GRIK3: variants seen among roughly 807,000 people sequenced by gnomAD.
GRIK3 encodes glutamate receptor ionotropic, kainate 3.
A neutral mutation model predicts 102.5 loss-of-function variants in GRIK3; 29 were observed. The ratio of observed to expected loss-of-function variants is 0.28; its 90% CI spans 0.21 to 0.39. GRIK3 has a LOEUF of 0.39. Among genes scored for constraint, GRIK3 ranks in the 10% least tolerant of loss-of-function variants. The pLI, the probability that GRIK3 is intolerant of heterozygous loss-of-function variation, is 1.00. For synonymous variants in GRIK3, 511 were observed against 504.9 expected, an observed-to-expected ratio of 1.01 and a Z score of -0.16; for missense variants, 908 against 1,252.4, an observed-to-expected ratio of 0.73 and a Z score of 4.15.
chr1:36,909,280 A>T (rs1014670989), intron 1 of GRIK3, among the ~76,000 whole-genome samples: 2 of 150,662 alleles, frequency 1.3e-5, no homozygotes, highest in African/African-American at 4.9e-5. Flanking sequence ...ATAAGCAGAT[A>T]CTACAAATCA....
Position 36,850,990 on chromosome 1 carries a change from G to A in GRIK3, c.1213-566C>T, listed in dbSNP as rs920643470. ...CAGCGTCCTTGTGGATATCGGGCCT[G>A]AGGCTAGAGGTAGAGAAGGAAAGGT... On this transcript the variant is annotated intron_variant, in intron 8 of 15. Transcript: ENST00000373091. This position sits in a 1 kb window ranked among gnomAD's most constrained non-coding sequence, Gnocchi z 4.0. Among the ~76,000 whole-genome samples the A allele has an allele frequency of 1.3e-5, 2 of 152,222 alleles. No individual in the cohort carries two copies. Among genetic ancestry groups the A allele is most frequent in the Non-Finnish European group, 2.9e-5 (2 of 68,034 alleles).
chr1:36,913,299 C>A (rs560310386), intron 1 of GRIK3, among the ~76,000 whole-genome samples: 1 of 152,182 alleles, frequency 6.6e-6, no homozygotes, highest in South Asian at 2.1e-4. Context: ...CACAGACCTG[C>A]CCTGAGAAAG....
At chr1:36,999,716 G>A (rs1400503374) in intron 1 of GRIK3, among the ~76,000 whole-genome samples, 1 of 152,160 alleles carries the variant, frequency 6.6e-6, no homozygotes, top group Non-Finnish European at 1.5e-5. Flanking sequence ...TGCCCCTTGT[G>A]GGGGTGACAT....
intron 1 of GRIK3, among the ~76,000 whole-genome samples, chr1:36,962,441 C>T (rs1026797599): frequency 3.9e-5 from 6 of 152,092 alleles, no homozygotes; most frequent in South Asian, 2.1e-4. Context: ...AGCCCCACGC[C>T]GCTTTTCAAG....
At chr1:36,911,156 C>T (rs1007456637) in intron 1 of GRIK3, among the ~76,000 whole-genome samples, 5 of 151,814 alleles carry the variant, frequency 3.3e-5, no homozygotes, top group South Asian at 2.1e-4. Context: ...AGGGGAGCTG[C>T]GTGGTTGGCT....
At chr1:36,833,381 C>T (rs1189292190) in intron 10 of GRIK3, among the ~76,000 whole-genome samples, 2 of 152,248 alleles carry the variant, frequency 1.3e-5, no homozygotes, top group Non-Finnish European at 2.9e-5. Context: ...ATAGCCCTCA[C>T]CTGCCCTCAT....
intron 10 of GRIK3, among the ~76,000 whole-genome samples, chr1:36,836,189 C>T (rs1411292847): frequency 2.0e-5 from 3 of 152,256 alleles, no homozygotes; most frequent in African/African-American, 7.2e-5. Context: ...GAGGCTCCTC[C>T]TGACACCCAT....
intron 1 of GRIK3, among the ~76,000 whole-genome samples, chr1:36,995,849 G>A (rs946786603): frequency 2.0e-5 from 3 of 152,200 alleles, no homozygotes; most frequent in African/African-American, 4.8e-5. Context: ...AACAGAGCTG[G>A]CAAGGCACTT....
Position 36,805,249 on chromosome 1 carries a change from G to T in GRIK3, c.2315-12C>A. ...CCGGTATGGGGAGCCTGAGCAGGGA[G>T]AAGGGACCCCTAGCCATCAGTGGCG... is the stretch of plus-strand genomic sequence containing the variant. On this transcript the variant is annotated splice_polypyrimidine_tract_variant and intron_variant, in intron 14 of 15. Transcript: ENST00000373091. The T allele has an allele frequency of 6.3e-7, 1 of 1,598,408 alleles. No homozygotes were observed.
chr1:36,842,073 C>T (rs562891140), intron 9 of GRIK3, 134 bp from the exon 10 acceptor site: 5 of 734,448 alleles, frequency 6.8e-6, no homozygotes, highest in East Asian at 2.6e-5. Context: ...ACAAAGGGCC[C>T]GTGAAGTCAG....
chr1:37,003,278 G>A (rs1328853628), intron 1 of GRIK3, among the ~76,000 whole-genome samples: 1 of 152,046 alleles, frequency 6.6e-6, no homozygotes, highest in East Asian at 1.9e-4. Flanking sequence ...TGTAATTCAT[G>A]TAAACAACTT....
At chr1:36,935,076 ACT>A (rs1454883187) in intron 1 of GRIK3, among the ~76,000 whole-genome samples, 22 of 152,170 alleles carry the variant, frequency 1.4e-4, no homozygotes, top group African/African-American at 4.1e-4. Flanking sequence ...GTAGTTAATA[ACT>A]CTATTCTGTT....
At chr1:36,813,753 C>T (rs1264029755) in intron 13 of GRIK3, among the ~76,000 whole-genome samples, 6 of 51,620 alleles carry the variant, frequency 1.2e-4, no homozygotes, top group African/African-American at 1.7e-4. Flanking sequence ...TCAGCGGGGG[C>T]GGGGCGGGGG....
At chr1:36,996,227 CA>C (rs1405322255) in intron 1 of GRIK3, among the ~76,000 whole-genome samples, 1 of 152,252 alleles carries the variant, frequency 6.6e-6, no homozygotes. Context: ...TTGCCGCAGG[CA>C]AGTCTGTCTA....
intron 14 of GRIK3, 147 bp downstream of exon 14, chr1:36,805,957 A>G (rs1161695017): frequency 4.3e-5 from 23 of 539,946 alleles, no homozygotes; most frequent in Admixed American, 7.3e-5. Context: ...AAAAAAAAAA[A>G]AAAAGAAAAG....
intron 1 of GRIK3, among the ~76,000 whole-genome samples, chr1:36,939,407 C>G (rs967644795): frequency 5.3e-5 from 8 of 152,230 alleles, no homozygotes; most frequent in African/African-American, 9.6e-5. Context: ...GTAAGGAGAG[C>G]TACGTTGACA....
intron 1 of GRIK3, among the ~76,000 whole-genome samples, chr1:37,031,180 A>C (rs150386934): frequency 2.1e-3 from 313 of 152,358 alleles, no homozygotes; most frequent in African/African-American, 7.2e-3. Flanking sequence ...TTCAATGCAC[A>C]ACATTTGATA....
At chr1:36,811,275 C>G (rs567492336) in intron 13 of GRIK3, among the ~76,000 whole-genome samples, 10 of 152,192 alleles carry the variant, frequency 6.6e-5, no homozygotes, top group African/African-American at 2.4e-4. Flanking sequence ...TGCTGAGTTG[C>G]TATGGCACTT....
intron 1 of GRIK3, among the ~76,000 whole-genome samples, chr1:36,963,025 C>T (rs776935545): frequency 6.6e-6 from 1 of 152,034 alleles, no homozygotes; most frequent in Non-Finnish European, 1.5e-5. Context: ...CAGAGTCAGA[C>T]AGCTTCCATT....
Sources: allele counts gnomAD v4.1 joint callset (sites outside exome capture counted in the v4.1 genomes callset), GRCh38; gene constraint gnomAD v4.1.1; non-coding constraint Gnocchi (gnomAD v3.1); transcripts MANE v1.5; gene names NCBI Gene and HGNC (gene_info 2026-07-23, HGNC 2026-07-21).